Variants in KCNC2 observed in about 807,000 individuals in gnomAD.
KCNC2 encodes the protein potassium voltage-gated channel subfamily C member 2.
In KCNC2, 21 loss-of-function variants were observed where a neutral mutation model predicts 44.5. The observed-to-expected ratio is 0.47, with a 90% CI of 0.33 to 0.68. KCNC2 has a LOEUF of 0.68. Among genes scored for constraint, KCNC2 ranks in the 30% least tolerant of loss-of-function variants. The probability of loss-of-function intolerance (pLI) is 0.01; values close to 1 mark genes in which losing one functional copy is unlikely to be tolerated. For synonymous variants in KCNC2, 391 were observed against 339.1 expected, an observed-to-expected ratio of 1.15 and a Z score of -1.68; for missense variants, 589 against 826.2, an observed-to-expected ratio of 0.71 and a Z score of 3.52.
chr12:75,207,390 G>T lies in KCNC2; in HGVS notation c.594C>A (p.Leu198=), dbSNP rs749369683. 2 of 1,585,040 alleles carry T rather than the reference G, an allele frequency of 1.3e-6. No individual in the cohort carries two copies. Among genetic ancestry groups the T allele is most frequent in the East Asian group, 2.3e-5 (1 of 43,356 alleles). The change falls in exon 2 of 5, where the codon CTC becomes CTA. Residue 198 remains leucine, a synonymous_variant. Transcript: ENST00000549446. The surrounding 1 kb of genome is among the most constrained non-coding windows in gnomAD (Gnocchi z 4.1). ...GGCCAGATTTGCCGTCGGGGCCCCC[G>T]AGCCCCGCCGCGTCCTCGATGCCCA... is the stretch of plus-strand genomic sequence containing the variant. ...KRLGIEDAAG[L]GGPDGKSGRW... is the part of the protein sequence containing the mutation.
At chr12:75,125,394 G>A (rs1888345320) in intron 2 of KCNC2, among the ~76,000 whole-genome samples, 1 of 152,056 alleles carries the variant, frequency 6.6e-6, no homozygotes. Flanking sequence ...CCAATGATTA[G>A]GACCACATGA....
At chr12:75,125,074 C>T (rs973479621) in intron 2 of KCNC2, 1 of 152,194 alleles carries the variant, frequency 6.6e-6, no homozygotes, top group Admixed American at 6.5e-5. Context: ...CCACTGCACT[C>T]CAGCCTGGGC....
intron 2 of KCNC2, among the ~76,000 whole-genome samples, chr12:75,099,005 G>T (rs1397505060): frequency 6.6e-6 from 1 of 152,044 alleles, no homozygotes; most frequent in Non-Finnish European, 1.5e-5. Flanking sequence ...CTTTTTCACT[G>T]CATGTGGCAA....
At chr12:75,059,272 A>T (rs1592776860) in intron 2 of KCNC2, among the ~76,000 whole-genome samples, 1 of 152,252 alleles carries the variant, frequency 6.6e-6, no homozygotes, top group African/African-American at 2.4e-5. Flanking sequence ...CTGCTTTCAC[A>T]TCATGGTCTA....
At chr12:75,159,589 C>T (rs1455891706) in intron 2 of KCNC2, among the ~76,000 whole-genome samples, 1 of 151,832 alleles carries the variant, frequency 6.6e-6, no homozygotes, top group Non-Finnish European at 1.5e-5. Context: ...TCATCTTGGA[C>T]TAAGCACTTG....
chr12:75,053,812 T>C (rs1284732817), intron 2 of KCNC2, among the ~76,000 whole-genome samples: 1 of 148,036 alleles, frequency 6.8e-6, no homozygotes, highest in African/African-American at 2.4e-5. Flanking sequence ...TAAATATATA[T>C]AGTAATATTT....
intron 2 of KCNC2, among the ~76,000 whole-genome samples, chr12:75,201,725 A>G (rs1447211225): frequency 2.0e-5 from 3 of 151,832 alleles, no homozygotes. Context: ...CCATCCCTCA[A>G]CCTGCACGGA....
At chr12:75,165,854 C>T (rs1466882244) in intron 2 of KCNC2, among the ~76,000 whole-genome samples, 3 of 151,398 alleles carry the variant, frequency 2.0e-5, no homozygotes, top group East Asian at 3.9e-4. Context: ...TACATAAATC[C>T]AACAGGCTAG....
chr12:75,105,800 G>GTT (rs1886735102), intron 2 of KCNC2, among the ~76,000 whole-genome samples: 1 of 152,210 alleles, frequency 6.6e-6, no homozygotes, highest in East Asian at 1.9e-4. Flanking sequence ...GACATGTTAA[G>GTT]TTTGAAATGG....
intron 2 of KCNC2, among the ~76,000 whole-genome samples, chr12:75,054,981 A>T (rs1881587157): frequency 6.6e-6 from 1 of 152,194 alleles, no homozygotes; most frequent in South Asian, 2.1e-4. Flanking sequence ...TTTCTGGCTC[A>T]CTGAGTAGAG....
At chr12:75,092,916 T>C (rs1161935183) in intron 2 of KCNC2, among the ~76,000 whole-genome samples, 1 of 151,570 alleles carries the variant, frequency 6.6e-6, no homozygotes, top group Non-Finnish European at 1.5e-5. Flanking sequence ...CATTCTTGCA[T>C]CTATTTTTCA....
At chr12:75,085,827 T>C (rs1884949867) in intron 2 of KCNC2, among the ~76,000 whole-genome samples, 1 of 151,998 alleles carries the variant, frequency 6.6e-6, no homozygotes, top group Admixed American at 6.6e-5. Context: ...ACGACTCATT[T>C]CTCAAAATAT....
intron 2 of KCNC2, among the ~76,000 whole-genome samples, chr12:75,107,661 A>G (rs1321874553): frequency 6.6e-6 from 1 of 152,116 alleles, no homozygotes; most frequent in Non-Finnish European, 1.5e-5. Flanking sequence ...ACAGTTACAC[A>G]TTTCGAGTTT....
At chr12:75,201,916 T>G (rs1037133150) in intron 2 of KCNC2, among the ~76,000 whole-genome samples, 21 of 151,958 alleles carry the variant, frequency 1.4e-4, no homozygotes, top group Non-Finnish European at 2.7e-4. Context: ...TTTAATGCCC[T>G]TTACTATTTT....
chr12:75,164,254 C>T (rs1199442344), intron 2 of KCNC2, among the ~76,000 whole-genome samples: 3 of 151,568 alleles, frequency 2.0e-5, no homozygotes, highest in African/African-American at 7.3e-5. Flanking sequence ...GTGTATGTGT[C>T]GGCTTTGCCC....
chr12:75,191,481 A>G (rs1034120549), intron 2 of KCNC2, among the ~76,000 whole-genome samples: 1 of 144,584 alleles, frequency 6.9e-6, no homozygotes, highest in African/African-American at 2.5e-5. Context: ...CCACAAATTC[A>G]TTCTAATACT....
At chr12:75,048,817 G>A (rs942252542) in intron 3 of KCNC2, among the ~76,000 whole-genome samples, 4 of 152,154 alleles carry the variant, frequency 2.6e-5, no homozygotes, top group South Asian at 2.1e-4. Flanking sequence ...CACAAACTCC[G>A]TTTCCAGGTA....
intron 4 of KCNC2, among the ~76,000 whole-genome samples, chr12:75,047,133 A>G (rs1880616491): frequency 6.6e-6 from 1 of 152,000 alleles, no homozygotes; most frequent in South Asian, 2.1e-4. Context: ...TATTATAGTT[A>G]TTTCCCTATT....
At chr12:75,073,978 C>G (rs185802502) in intron 2 of KCNC2, among the ~76,000 whole-genome samples, 164 of 152,278 alleles carry the variant, frequency 1.1e-3, no homozygotes, top group African/African-American at 3.4e-3. Flanking sequence ...TTGATCATCA[C>G]TTGATCATTC....
Sources: allele counts gnomAD v4.1 joint callset (sites outside exome capture counted in the v4.1 genomes callset), GRCh38; gene constraint gnomAD v4.1.1; non-coding constraint Gnocchi (gnomAD v3.1); transcripts MANE v1.5; gene names NCBI Gene and HGNC (gene_info 2026-07-23, HGNC 2026-07-21).